The following ESR1 variants were observed in gnomAD, a reference collection of about 807,000 sequenced individuals.
ESR1 encodes the protein estrogen receptor 1.
ESR1 carries 12 observed loss-of-function variants against 52.7 expected under a neutral mutation model. The observed-to-expected ratio is 0.23, with a 90% CI of 0.15 to 0.37. ESR1 has a LOEUF of 0.37. Ranked by LOEUF, ESR1 falls within the 10% of genes least tolerant of loss-of-function variation. The pLI is 1.00. For synonymous variants in ESR1, 305 were observed against 316.8 expected, an observed-to-expected ratio of 0.96 and a Z score of 0.39; for missense variants, 584 against 779.7, an observed-to-expected ratio of 0.75 and a Z score of 2.99.
intron 3 of ESR1, among the ~76,000 whole-genome samples, chr6:151,900,466 T>A (rs1445922196): frequency 6.6e-6 from 1 of 152,188 alleles, no homozygotes; most frequent in African/African-American, 2.4e-5. Flanking sequence ...CTTCTTGGCT[T>A]GGATCCATTG....
chr6:151,906,027 C>G (rs1007889421), intron 3 of ESR1, among the ~76,000 whole-genome samples: 4 of 152,106 alleles, frequency 2.6e-5, no homozygotes, highest in African/African-American at 9.7e-5. Context: ...TGAGTTTTCA[C>G]TCATGCAAAA....
rs931122520 is a variant in ESR1 at position 151,807,990 on chromosome 6, G to T, written c.78G>T (p.Leu26=). ...HQIQGNELEP[L]NRPQLKIPLE... is the part of the protein sequence containing the mutation. ...TCCAAGGGAACGAGCTGGAGCCCCT[G>T]AACCGTCCGCAGCTCAAGATCCCCC... Residue 26 remains leucine (L), a synonymous_variant, in exon 1 of 8, where the codon CTG becomes CTT. Transcript: ENST00000206249. 5 of 1,613,960 alleles carry T rather than the reference G, an allele frequency of 3.1e-6. No homozygotes were observed. The highest frequency in any genetic ancestry group is 4.2e-6 in the Non-Finnish European group (5 of 1,179,968).
At chr6:152,073,803 C>T (rs371914380) in intron 6 of ESR1, among the ~76,000 whole-genome samples, 4 of 152,276 alleles carry the variant, frequency 2.6e-5, no homozygotes, top group South Asian at 2.1e-4. Context: ...GGCTAGCGGC[C>T]CCGCCTCAAG....
intron 3 of ESR1, among the ~76,000 whole-genome samples, chr6:151,913,230 C>T (rs1798549964): frequency 6.6e-6 from 1 of 152,162 alleles, no homozygotes; most frequent in African/African-American, 2.4e-5. Flanking sequence ...TCTACTCCCA[C>T]CACGTGCGGA....
At chr6:151,848,727 C>T (rs371777226) in intron 2 of ESR1, among the ~76,000 whole-genome samples, 12 of 152,136 alleles carry the variant, frequency 7.9e-5, no homozygotes, top group Non-Finnish European at 1.6e-4. Flanking sequence ...CTTTGGTCTC[C>T]GTATTTCCAC....
chr6:151,788,628 T>C (rs1238814779), intron 2 of ESR1, among the ~76,000 whole-genome samples: 1 of 152,196 alleles, frequency 6.6e-6, no homozygotes, highest in East Asian at 1.9e-4. Context: ...ATATAAATTG[T>C]TCTATCATAA....
intron 6 of ESR1, chr6:152,122,362 T>C (rs2051587313): frequency 2.5e-6 from 4 of 1,610,984 alleles, no homozygotes; most frequent in Admixed American, 3.3e-5. Flanking sequence ...GGTCCTCTTG[T>C]TGGTAGTTTG....
intron 5 of ESR1, among the ~76,000 whole-genome samples, chr6:152,025,791 A>G (rs952270473): frequency 6.6e-6 from 1 of 151,676 alleles, no homozygotes; most frequent in Non-Finnish European, 1.5e-5. Context: ...GTTTTAGTTC[A>G]TTTTCTAGCT....
intron 1 of ESR1, among the ~76,000 whole-genome samples, chr6:151,660,926 C>T (rs1777617399): frequency 6.6e-6 from 1 of 152,098 alleles, no homozygotes; most frequent in South Asian, 2.1e-4. Context: ...TCCACTTCCA[C>T]ATATTCTGAT....
At chr6:151,670,073 G>A (rs957771018) in intron 1 of ESR1, among the ~76,000 whole-genome samples, 2 of 152,222 alleles carry the variant, frequency 1.3e-5, no homozygotes, top group Non-Finnish European at 2.9e-5. Context: ...AGGCCACCAG[G>A]GCCAGCCTCT....
rs577071260 is a variant in ESR1, at chr6:152,030,855, G to A, written c.1235+19061G>A. On this transcript the variant is annotated intron_variant, in intron 5 of 7. Coordinates refer to ENST00000206249, the MANE Select transcript of ESR1 (RefSeq NM_000125.4). ...TATACATTCTTCTCAGCACCACGCC[G>A]GACTTAATCCAAAATTGACCACATA... Among the ~76,000 whole-genome samples the A allele has an allele frequency of 1.2e-4, 18 of 152,152 alleles. 1 individual carries two copies. Among genetic ancestry groups the A allele is most frequent in the East Asian group, 1.9e-4 (1 of 5,184 alleles).
At chr6:151,969,994 A>G (rs11968240) in intron 4 of ESR1, among the ~76,000 whole-genome samples, 1,660 of 151,908 alleles carry the variant, frequency 0.011, 43 homozygotes, top group African/African-American at 0.038. Context: ...GCCGCTGTTC[A>G]TTCCCAGCTG....
intron 4 of ESR1, among the ~76,000 whole-genome samples, chr6:151,974,699 T>C (rs1006046455): frequency 1.3e-5 from 2 of 152,268 alleles, no homozygotes; most frequent in Non-Finnish European, 2.9e-5. Flanking sequence ...ATACAAATGT[T>C]TGTTATAAGT....
Position 151,807,870 on chromosome 6 carries a change from C to A in ESR1, c.-43C>A. 6.4e-7 allele frequency: 1 copy of A among 1,571,326 alleles called. No individual in the cohort carries two copies. The highest frequency in any genetic ancestry group is 8.7e-7 in the Non-Finnish European group (1 of 1,144,480). On this transcript the variant is annotated 5_prime_UTR_variant, in exon 1 of 8. Transcript: ENST00000206249. ...GGCCCGCCGGTTTCTGAGCCTTCTG[C>A]CCTGCGGGGACACGGTCTGCACCCT...
chr6:151,693,676 G>T (rs1224436281), intron 1 of ESR1, among the ~76,000 whole-genome samples: 2 of 152,138 alleles, frequency 1.3e-5, no homozygotes, highest in East Asian at 3.8e-4. Flanking sequence ...GGAGTGCAGT[G>T]GTGCTTTCTC....
chr6:151,918,863 A>T (rs896408067), intron 3 of ESR1, among the ~76,000 whole-genome samples: 71 of 152,220 alleles, frequency 4.7e-4, no homozygotes, highest in African/African-American at 1.6e-3. Flanking sequence ...GCAAATTAAG[A>T]TATACCACTG....
chr6:151,805,938 ATG>A (rs1777771358), upstream of ESR1: 2 of 152,130 alleles, frequency 1.3e-5, no homozygotes, highest in Admixed American at 1.3e-4. Flanking sequence ...CCATGGGGGT[ATG>A]TGTGTGTCTC....
At chr6:152,125,964 A>G (rs2747654) in exon 7 of ESR1, 34,581 of 152,342 alleles carry the variant, frequency 0.23, 4,053 homozygotes, top group African/African-American at 0.28. Flanking sequence ...ACTGAAGGCC[A>G]GAGAGACTAA....
intron 2 of ESR1, among the ~76,000 whole-genome samples, chr6:151,791,895 C>T (rs776577584): frequency 3.3e-5 from 5 of 152,118 alleles, no homozygotes; most frequent in East Asian, 1.9e-4. Flanking sequence ...TAATCTTATC[C>T]GTTTATTCAT....
Sources: allele counts gnomAD v4.1 joint callset (sites outside exome capture counted in the v4.1 genomes callset), GRCh38; gene constraint gnomAD v4.1.1; transcripts MANE v1.5; gene names NCBI Gene and HGNC (gene_info 2026-07-23, HGNC 2026-07-21).